Variants in CNIH3 observed in about 807,000 individuals in gnomAD.
The protein encoded by CNIH3 is cornichon family AMPA receptor auxiliary protein 3, also known as protein cornichon homolog 3.
In CNIH3, 14 loss-of-function variants were observed where a neutral mutation model predicts 24.1. That is an observed-to-expected ratio of 0.58 (90% confidence interval 0.38 to 0.91). The LOEUF (loss-of-function observed/expected upper bound fraction) is 0.91. Among genes scored for constraint, CNIH3 ranks in the 40% least tolerant of loss-of-function variants. The pLI is 0.00. For missense variants in CNIH3, 178 were observed against 196.8 expected, an observed-to-expected ratio of 0.90 and a Z score of 0.57; for synonymous variants, 68 against 73.8, an observed-to-expected ratio of 0.92 and a Z score of 0.40.
At chr1:224,484,145 T>C (rs1260834840) in intron 1 of CNIH3, among the ~76,000 whole-genome samples, 1 of 142,022 alleles carries the variant, frequency 7.0e-6, no homozygotes, top group Non-Finnish European at 1.5e-5. Context: ...CACTCTAGCC[T>C]GGGCAACAAG....
chr1:224,724,519 C>T (rs1688914888), intron 3 of CNIH3, among the ~76,000 whole-genome samples: 1 of 152,228 alleles, frequency 6.6e-6, no homozygotes, highest in Admixed American at 6.5e-5. Context: ...GCTGGGAATA[C>T]TGACTTCGTC....
intron 3 of CNIH3, among the ~76,000 whole-genome samples, chr1:224,557,346 C>T (rs1680178560): frequency 6.6e-6 from 1 of 152,166 alleles, no homozygotes; most frequent in Admixed American, 6.5e-5. Flanking sequence ...CTGCACCCAG[C>T]CCACTTTCCC....
chr1:224,548,572 T>C (rs545079027), intron 3 of CNIH3, among the ~76,000 whole-genome samples: 1 of 152,128 alleles, frequency 6.6e-6, no homozygotes, highest in Non-Finnish European at 1.5e-5. Flanking sequence ...ATATTATTCA[T>C]TATTTCTAAA....
intron 3 of CNIH3, among the ~76,000 whole-genome samples, chr1:224,713,793 G>A (rs1291677579): frequency 6.6e-6 from 1 of 152,136 alleles, no homozygotes; most frequent in African/African-American, 2.4e-5. Flanking sequence ...TCTGGTTTCA[G>A]TGCAACTTTT....
At chr1:224,580,605 GAT>G (rs1681232601) in intron 4 of CNIH3, among the ~76,000 whole-genome samples, 1 of 152,028 alleles carries the variant, frequency 6.6e-6, no homozygotes, top group African/African-American at 2.4e-5. Context: ...AAGGTGGGTG[GAT>G]CATGAGGTCA....
At chr1:224,679,535 AGAAGTGG>A in intron 1 of CNIH3, among the ~76,000 whole-genome samples, 1 of 152,216 alleles carries the variant, frequency 6.6e-6, no homozygotes. Flanking sequence ...AGAGGTAGCC[AGAAGTGG>A]AATGAGCATC....
At chr1:224,481,814 T>C (rs1676824864) in intron 1 of CNIH3, among the ~76,000 whole-genome samples, 1 of 152,186 alleles carries the variant, frequency 6.6e-6, no homozygotes, top group South Asian at 2.1e-4. Context: ...GTGAAGCCAG[T>C]CAAACTTGTA....
At chr1:224,621,533 C>T (rs1268008679) in intron 1 of CNIH3, among the ~76,000 whole-genome samples, 2 of 152,210 alleles carry the variant, frequency 1.3e-5, no homozygotes, top group African/African-American at 4.8e-5. Flanking sequence ...TGTGATGCCC[C>T]TGTCCGTTCT....
intron 1 of CNIH3, among the ~76,000 whole-genome samples, chr1:224,455,988 TTCTC>T (rs1303121268): frequency 7.2e-5 from 11 of 152,238 alleles, no homozygotes; most frequent in Non-Finnish European, 1.2e-4. Context: ...TCATTTTAAA[TTCTC>T]TATATATAGC....
At chr1:224,574,439 C>G in intron 4 of CNIH3, 1 of 610,154 alleles carries the variant, frequency 1.6e-6, no homozygotes, top group Non-Finnish European at 3.0e-6. Context: ...CAGCCATGGC[C>G]AGCCACATTG....
intron 4 of CNIH3, among the ~76,000 whole-genome samples, chr1:224,576,301 T>C (rs1681033912): frequency 6.6e-6 from 1 of 152,212 alleles, no homozygotes; most frequent in African/African-American, 2.4e-5. Context: ...ACTTTAAAAA[T>C]AGTTCCTTTT....
intron 3 of CNIH3, among the ~76,000 whole-genome samples, chr1:224,705,404 G>A (rs1163493789): frequency 6.6e-6 from 1 of 152,238 alleles, no homozygotes; most frequent in East Asian, 1.9e-4. Context: ...GGGAAGAGCC[G>A]CATGTGCCTT....
intron 1 of CNIH3, among the ~76,000 whole-genome samples, chr1:224,486,647 G>A (rs1329592911): frequency 1.3e-5 from 2 of 152,142 alleles, no homozygotes; most frequent in African/African-American, 2.4e-5. Context: ...AAGCAAACTA[G>A]CATCATGTAG....
chr1:224,572,760 A>G lies in CNIH3; in HGVS notation n.516+6496A>G, dbSNP rs551097323. On this transcript the variant is annotated intron_variant and non_coding_transcript_variant, in intron 4 of 5. Transcript: ENST00000471578. The stretch of plus-strand genomic sequence containing the variant: ...ATGTTAAGTCTGCCAATCCATGAGA[A>G]AAGGATGTCTTTTCATTTATTTATA... Among the ~76,000 whole-genome samples, 13 of 152,262 alleles carry G rather than the reference A, an allele frequency of 8.5e-5. No homozygotes were observed. In the South Asian group the frequency reaches 2.7e-3, roughly 32 times the overall value.
intron 4 of CNIH3, among the ~76,000 whole-genome samples, chr1:224,732,135 A>T (rs1418865106): frequency 6.6e-6 from 1 of 152,148 alleles, no homozygotes; most frequent in African/African-American, 2.4e-5. Context: ...TGAGGGGGTT[A>T]TGGTGGGAAC....
chr1:224,600,592 C>G (rs1193131282), intron 3 of CNIH3, among the ~76,000 whole-genome samples: 1 of 152,136 alleles, frequency 6.6e-6, no homozygotes, highest in East Asian at 1.9e-4. Context: ...GCACTGCAGC[C>G]TGGAACTCCT....
chr1:224,484,386 C>T (rs960723788), intron 1 of CNIH3, among the ~76,000 whole-genome samples: 11 of 151,318 alleles, frequency 7.3e-5, no homozygotes, highest in Non-Finnish European at 1.2e-4. Context: ...GCCGAGATCA[C>T]GCCACTGCAC....
chr1:224,726,007 A>G (rs562009198), intron 3 of CNIH3, among the ~76,000 whole-genome samples: 4 of 152,246 alleles, frequency 2.6e-5, no homozygotes, highest in Admixed American at 1.3e-4. Context: ...AAATGGATAC[A>G]TGAATGAATG....
intron 1 of CNIH3, among the ~76,000 whole-genome samples, chr1:224,633,410 C>T (rs1277554230): frequency 6.6e-6 from 1 of 152,092 alleles, no homozygotes; most frequent in South Asian, 2.1e-4. Context: ...CCGCCTGTCT[C>T]GGCCTCCCAA....
Sources: gnomAD v4.1 joint callset for allele counts (sites outside exome capture counted in the v4.1 genomes callset) on GRCh38, gnomAD v4.1.1 for gene constraint, MANE v1.5 for transcripts, NCBI Gene and HGNC (gene_info 2026-07-23, HGNC 2026-07-21) for gene names.